Variants in PEDS1 observed in about 807,000 individuals in gnomAD.
The protein encoded by PEDS1 is CarF homolog.
In PEDS1, 14 loss-of-function variants were observed where a neutral mutation model predicts 35.2. The ratio of observed to expected loss-of-function variants is 0.40; its 90% CI spans 0.26 to 0.62. PEDS1 has a LOEUF of 0.62. PEDS1 is among the 20% of genes least tolerant of loss of function. PEDS1 has a pLI of 0.44. For missense variants in PEDS1, 260 were observed against 367.8 expected (o/e 0.71, Z 2.40); for synonymous variants, 152 against 152.0 (o/e 1.00, Z 0.00).
At position 50,128,203 on chromosome 20, in the gene PEDS1, A is replaced by G. The variant is rs773143306; in HGVS notation, c.479-16T>C. The G allele has an allele frequency of 5.0e-5, 80 of 1,612,386 alleles. No individual in the cohort carries two copies. In the South Asian group the frequency reaches 7.9e-4, roughly 16 times the overall value. The stretch of plus-strand genomic sequence containing the variant: ...TCCAGGGCTTCTGCAGGTTGGGGAG[A>G]GGGGGGGCCGGCACAGCTGTCACTC... On this transcript the variant is annotated splice_polypyrimidine_tract_variant and intron_variant, in intron 4 of 5. Coordinates refer to ENST00000371652, the MANE Select transcript of PEDS1 (RefSeq NM_199129.4). The surrounding 1 kb of genome is among the most constrained non-coding windows in gnomAD (Gnocchi z 5.2).
intron 1 of PEDS1, among the ~76,000 whole-genome samples, chr20:50,147,847 G>A (rs1384673813): frequency 1.3e-5 from 2 of 152,114 alleles, no homozygotes; most frequent in Non-Finnish European, 2.9e-5. Flanking sequence ...GAGGTCAAGA[G>A]TTCGAGATCA....
intron 2 of PEDS1, among the ~76,000 whole-genome samples, chr20:50,137,715 G>A (rs757519632): frequency 1.3e-5 from 2 of 152,076 alleles, no homozygotes; most frequent in Admixed American, 6.6e-5. Flanking sequence ...TACTAAAAAC[G>A]CAAAAATTAG....
chr20:50,130,260 G>A (rs1287497002), intron 3 of PEDS1, among the ~76,000 whole-genome samples: 2 of 152,332 alleles, frequency 1.3e-5, no homozygotes, highest in East Asian at 1.9e-4. Flanking sequence ...CTACAGGGAA[G>A]GAGAAATGCT....
In PEDS1 at chr20:50,124,640, CCACGACGCTTA is replaced by C; in HGVS notation, c.*407_*417del. 1 of 177,460 alleles carries C rather than the reference CCACGACGCTTA, an allele frequency of 5.6e-6. No individual in the cohort carries two copies. The highest frequency in any genetic ancestry group is 1.2e-5 in the Non-Finnish European group (1 of 81,780). The allele number at this position is 177,460 out of a possible 1,614,324, so 11.0% of individuals were successfully genotyped here. On this transcript the variant is annotated 3_prime_UTR_variant, in exon 6 of 6. Coordinates refer to ENST00000371652, the MANE Select transcript of PEDS1 (RefSeq NM_199129.4). The stretch of plus-strand genomic sequence containing the variant: ...TGCAGGGCTGTGGCAGAACAATGCT[CCACGACGCTTA>C]GGTGTGCCTGGGGGCTCCCCAGACC...
intron 1 of PEDS1, among the ~76,000 whole-genome samples, chr20:50,144,235 C>T (rs1357572489): frequency 3.3e-5 from 5 of 152,238 alleles, no homozygotes; most frequent in African/African-American, 1.2e-4. Context: ...CTGGGCCCCT[C>T]TGGGCTCTCT....
At chr20:50,153,495 GA>G in intron 1 of PEDS1, 21 bp downstream of exon 1, 1 of 1,344,374 alleles carries the variant, frequency 7.4e-7, no homozygotes, top group African/African-American at 1.5e-5. Flanking sequence ...CGCAGGCCTG[GA>G]GGGGGGCCCA....
chr20:50,140,656 C>T (rs911839515), intron 2 of PEDS1, among the ~76,000 whole-genome samples: 7 of 152,180 alleles, frequency 4.6e-5, no homozygotes, highest in African/African-American at 1.4e-4. Context: ...AGGCCTTTCC[C>T]GCCTACCCGC....
intron 1 of PEDS1, among the ~76,000 whole-genome samples, chr20:50,150,251 T>C (rs767407048): frequency 7.2e-5 from 11 of 152,162 alleles, no homozygotes; most frequent in Admixed American, 4.6e-4. Flanking sequence ...TTGATTGCCA[T>C]GATTATGGCT....
Position 50,120,091 on chromosome 20 carries a change from C to T in PEDS1, c.*4967G>A, listed in dbSNP as rs2081037942. 1.1e-5 allele frequency: 1 copy of T among 95,150 alleles called. No individual in the cohort carries two copies. Among genetic ancestry groups the T allele is most frequent in the South Asian group, 4.4e-4 (1 of 2,290 alleles). 5.9% of individuals were successfully genotyped at this position (95,150 alleles called of 1,614,324 possible). Reference sequence around the variant, plus strand: ...GACTACCCTGGGCAACATAGCGAGACCCCATCTCTAAAAAAAAAAAAAAAT... The same window carrying T: ...GACTACCCTGGGCAACATAGCGAGATCCCATCTCTAAAAAAAAAAAAAAAT... On this transcript the variant is annotated 3_prime_UTR_variant, in exon 6 of 6. Coordinates refer to ENST00000371652, the MANE Select transcript of PEDS1 (RefSeq NM_199129.4).
Position 50,134,202 on chromosome 20 carries a change from C to T in PEDS1, c.242-3255G>A, listed in dbSNP as rs6095777. On this transcript the variant is annotated intron_variant, in intron 2 of 5. Coordinates refer to ENST00000371652, the MANE Select transcript of PEDS1 (RefSeq NM_199129.4). Reference sequence around the variant, plus strand: ...CTGAGGTATCTCGAGGTCCTGTCCCCATAGCTCGGACTAATGACATCTCTA... The same window carrying T: ...CTGAGGTATCTCGAGGTCCTGTCCCTATAGCTCGGACTAATGACATCTCTA... Among the ~76,000 whole-genome samples, 1,512 of 152,318 alleles carry T rather than the reference C, an allele frequency of 9.9e-3. 23 individuals carry two copies. Among genetic ancestry groups the T allele is most frequent in the African/African-American group, 0.033 (1,357 of 41,560 alleles).
intron 2 of PEDS1, among the ~76,000 whole-genome samples, chr20:50,142,534 T>G (rs1387292272): frequency 3.3e-5 from 5 of 152,112 alleles, no homozygotes; most frequent in African/African-American, 1.2e-4. Context: ...GCCTCCTGGG[T>G]TCAAATGATT....
In PEDS1 at chr20:50,122,332, G is replaced by A; in HGVS notation, c.*2726C>T. ...GTCGAATTCTAACACCCTTCCTTGTGTGGTCCCCTCAGGCATAGTCACAAA... is the reference window on the plus strand; with the variant it reads ...GTCGAATTCTAACACCCTTCCTTGTATGGTCCCCTCAGGCATAGTCACAAA... On this transcript the variant is annotated 3_prime_UTR_variant, in exon 6 of 6. Coordinates refer to ENST00000371652, the MANE Select transcript of PEDS1 (RefSeq NM_199129.4). 6.6e-6 allele frequency: 1 copy of A among 152,288 alleles called. No individual in the cohort carries two copies. The highest frequency in any genetic ancestry group is 1.5e-5 in the Non-Finnish European group (1 of 68,030). 9.4% of individuals were successfully genotyped at this position (152,288 alleles called of 1,614,324 possible). A position where few individuals can be genotyped will look rare whatever the true frequency, so the allele number is the denominator to read the frequency against.
chr20:50,137,530 A>G (rs2081249177), intron 2 of PEDS1, among the ~76,000 whole-genome samples: 1 of 152,140 alleles, frequency 6.6e-6, no homozygotes, highest in South Asian at 2.1e-4. Flanking sequence ...CATCAGATAG[A>G]TACCAACAGA....
chr20:50,149,759 G>A (rs1315266000), intron 1 of PEDS1, among the ~76,000 whole-genome samples: 1 of 152,088 alleles, frequency 6.6e-6, no homozygotes, highest in African/African-American at 2.4e-5. Flanking sequence ...TGATGATCCG[G>A]AATACTCGCC....
intron 5 of PEDS1, among the ~76,000 whole-genome samples, chr20:50,126,435 T>A (rs868080460): frequency 1.2e-4 from 19 of 152,096 alleles, no homozygotes; most frequent in African/African-American, 4.6e-4. Context: ...GAGCACAAAT[T>A]GAGGACATGA....
intron 2 of PEDS1, among the ~76,000 whole-genome samples, chr20:50,140,482 A>G (rs138375289): frequency 1.1e-4 from 16 of 152,334 alleles, no homozygotes; most frequent in African/African-American, 3.6e-4. Context: ...AATTTCCTCC[A>G]GCCACAATGG....
chr20:50,140,208 A>G (rs1332545721), intron 2 of PEDS1, among the ~76,000 whole-genome samples: 1 of 152,180 alleles, frequency 6.6e-6, no homozygotes, highest in Non-Finnish European at 1.5e-5. Flanking sequence ...GAATTTGACA[A>G]CGCATCACCA....
intron 1 of PEDS1, among the ~76,000 whole-genome samples, chr20:50,152,777 G>T (rs1251464611): frequency 6.6e-6 from 1 of 152,078 alleles, no homozygotes. Context: ...ATGTACAGGG[G>T]AGCTTACAGT....
intron 5 of PEDS1, among the ~76,000 whole-genome samples, chr20:50,125,647 G>A (rs1199201281): frequency 6.6e-6 from 1 of 152,026 alleles, no homozygotes; most frequent in Non-Finnish European, 1.5e-5. Context: ...AGGCTGGAGT[G>A]CAGTGGGGCG....
Sources: allele counts gnomAD v4.1 joint callset (sites outside exome capture counted in the v4.1 genomes callset), GRCh38; gene constraint gnomAD v4.1.1; non-coding constraint Gnocchi (gnomAD v3.1); transcripts MANE v1.5; gene names NCBI Gene and HGNC (gene_info 2026-07-23, HGNC 2026-07-21).